Variants in YTHDF2 observed in about 807,000 individuals in gnomAD.
The protein encoded by YTHDF2 is YTH domain-containing family protein 2.
YTHDF2 carries 2 observed loss-of-function variants against 50.4 expected under a neutral mutation model. That is an observed-to-expected ratio of 0.04 (90% CI 0.02 to 0.12). The LOEUF (loss-of-function observed/expected upper bound fraction) is 0.12. Ranked by LOEUF, YTHDF2 falls within the 10% of genes least tolerant of loss-of-function variation. The pLI is 1.00. For missense variants in YTHDF2, 483 were observed against 722.6 expected, an observed-to-expected ratio of 0.67 and a Z score of 3.80; for synonymous variants, 217 against 255.6, an observed-to-expected ratio of 0.85 and a Z score of 1.44.
intron 3 of YTHDF2, among the ~76,000 whole-genome samples, chr1:28,738,644 A>G (rs989160085): frequency 1.3e-5 from 2 of 152,038 alleles, no homozygotes; most frequent in Non-Finnish European, 2.9e-5. Context: ...ACGGGGTTTC[A>G]TGTTGGCCGG....
chr1:28,761,389 T>C (rs1238482076), intron 4 of YTHDF2, among the ~76,000 whole-genome samples: 1 of 151,852 alleles, frequency 6.6e-6, no homozygotes, highest in Non-Finnish European at 1.5e-5. Flanking sequence ...CCTCCTCCTT[T>C]GGCCTCTCAA....
Position 28,737,069 on chromosome 1 carries a change from G to A in YTHDF2, c.-52G>A. 1 of 1,564,568 alleles carries A rather than the reference G, an allele frequency of 6.4e-7. No individual in the cohort carries two copies. Among genetic ancestry groups the A allele is most frequent in the Non-Finnish European group, 8.6e-7 (1 of 1,156,662 alleles). On this transcript the variant is annotated 5_prime_UTR_variant, in exon 1 of 5. Transcript: ENST00000373812. ...CAGACGGGGCTCATCTGCCGCCGCC[G>A]CCGCGCTGAGGAGAGTTCGCCGCCG...
At chr1:28,737,608 A>G (rs1462353246) in intron 1 of YTHDF2, 50 bp from the exon 2 acceptor site, 1 of 1,610,774 alleles carries the variant, frequency 6.2e-7, no homozygotes, top group Non-Finnish European at 8.5e-7. Flanking sequence ...TTCCTTTTCC[A>G]TTTCTCCTTT....
At chr1:28,759,119 T>G (rs546353300) in intron 4 of YTHDF2, among the ~76,000 whole-genome samples, 18 of 152,332 alleles carry the variant, frequency 1.2e-4, no homozygotes, top group Non-Finnish European at 2.6e-4. Flanking sequence ...TGAATGAGCA[T>G]CTTTGGAGGT....
In YTHDF2 at chr1:28,738,346, GT is replaced by G; in HGVS notation, c.132+10del. The stretch of plus-strand genomic sequence containing the variant: ...AGTCCACAGGCAAGGCCCGTGAGTA[GT>G]TAACTATTTACATATCTAATCGAAG... On this transcript the variant is annotated intron_variant, in intron 3 of 4. Transcript: ENST00000373812. The G allele has an allele frequency of 6.2e-7, 1 of 1,608,758 alleles. No homozygotes were observed. Among genetic ancestry groups the G allele is most frequent in the Non-Finnish European group, 8.5e-7 (1 of 1,175,170 alleles).
At chr1:28,755,629 A>C (rs2088025906) in intron 4 of YTHDF2, among the ~76,000 whole-genome samples, 1 of 152,228 alleles carries the variant, frequency 6.6e-6, no homozygotes, top group East Asian at 1.9e-4. Flanking sequence ...CAGAAATAAC[A>C]AAATTTGAAG....
At chr1:28,747,250 G>A (rs986122606) in intron 4 of YTHDF2, among the ~76,000 whole-genome samples, 3 of 151,910 alleles carry the variant, frequency 2.0e-5, no homozygotes, top group South Asian at 2.1e-4. Context: ...AGAATTTAGC[G>A]TCTTTGGTAA....
chr1:28,750,628 C>T (rs943378958), intron 4 of YTHDF2, among the ~76,000 whole-genome samples: 8 of 152,006 alleles, frequency 5.3e-5, no homozygotes, highest in African/African-American at 1.7e-4. Context: ...ATTTGTTACA[C>T]GTAAAATAAG....
At chr1:28,744,199 T>C (rs576717116) in intron 4 of YTHDF2, among the ~76,000 whole-genome samples, 3 of 152,088 alleles carry the variant, frequency 2.0e-5, no homozygotes, top group Non-Finnish European at 4.4e-5. Context: ...ATACGGACTT[T>C]GAAAGGAAAG....
At chr1:28,752,210 G>A (rs2087965693) in intron 4 of YTHDF2, among the ~76,000 whole-genome samples, 2 of 152,154 alleles carry the variant, frequency 1.3e-5, no homozygotes, top group Admixed American at 6.5e-5. Context: ...CCTTACTCTT[G>A]AGGTTATTTA....
intron 4 of YTHDF2, among the ~76,000 whole-genome samples, chr1:28,763,962 T>A (rs2088179012): frequency 6.7e-6 from 1 of 150,282 alleles, no homozygotes; most frequent in South Asian, 2.1e-4. Context: ...ATTTTATTTT[T>A]TTTTGAGACG....
intron 3 of YTHDF2, among the ~76,000 whole-genome samples, chr1:28,740,771 T>A (rs1010060772): frequency 2.0e-5 from 3 of 150,474 alleles, no homozygotes; most frequent in Non-Finnish European, 4.4e-5. Context: ...TGGTGCGATC[T>A]CGGCTCACTG....
chr1:28,762,209 G>A (rs532312106), intron 4 of YTHDF2, among the ~76,000 whole-genome samples: 2 of 152,194 alleles, frequency 1.3e-5, no homozygotes, highest in East Asian at 1.9e-4. Flanking sequence ...TGGCTAACAC[G>A]GTGAAACCCC....
chr1:28,742,283 C>T, intron 3 of YTHDF2, 120 bp from the exon 4 acceptor site: 1 of 1,318,310 alleles, frequency 7.6e-7, no homozygotes, highest in Non-Finnish European at 1.0e-6. Flanking sequence ...GTGTGAGCCA[C>T]CGCGTCCGGC....
At chr1:28,753,580 A>AC (rs911058648) in intron 4 of YTHDF2, among the ~76,000 whole-genome samples, 11 of 151,986 alleles carry the variant, frequency 7.2e-5, no homozygotes, top group African/African-American at 2.7e-4. Flanking sequence ...CATGTTAAAA[A>AC]CATAGTCTTG....
At position 28,737,701 on chromosome 1, in the gene YTHDF2, G is replaced by T; in HGVS notation, c.52+19G>T. On this transcript the variant is annotated intron_variant, in intron 2 of 4. Transcript: ENST00000373812. Reference sequence around the variant, plus strand: ...AACAAAGGTAAGTCCCGCTCCGCCGGTGGCCCTGAGCCGGGAGGGGGACGC... The same window carrying T: ...AACAAAGGTAAGTCCCGCTCCGCCGTTGGCCCTGAGCCGGGAGGGGGACGC... The T allele has an allele frequency of 6.2e-7, 1 of 1,613,408 alleles. No homozygotes were observed. Among genetic ancestry groups the T allele is most frequent in the Non-Finnish European group, 8.5e-7 (1 of 1,179,782 alleles).
At position 28,764,366 on chromosome 1, in the gene YTHDF2, G is replaced by C. The variant is rs115455502; in HGVS notation, c.1717-4563G>C. Reference sequence around the variant, plus strand: ...AGCTCACTGCATCCCCTGCCTCCTGGATTTAAGCAGTTCTCTGCCTCAGCC... The same window carrying C: ...AGCTCACTGCATCCCCTGCCTCCTGCATTTAAGCAGTTCTCTGCCTCAGCC... On this transcript the variant is annotated intron_variant, in intron 4 of 4. Coordinates refer to ENST00000373812, the MANE Select transcript of YTHDF2 (RefSeq NM_016258.3). Among the ~76,000 whole-genome samples, 1,400 of 152,024 alleles carry C rather than the reference G, an allele frequency of 9.2e-3. 15 individuals are homozygous for C. Among genetic ancestry groups the C allele is most frequent in the African/African-American group, 0.032 (1,317 of 41,462 alleles).
rs113420444 is a variant in YTHDF2, at chr1:28,768,221, A to T, written c.1717-708A>T. On this transcript the variant is annotated intron_variant, in intron 4 of 4. Coordinates refer to ENST00000373812, the MANE Select transcript of YTHDF2 (RefSeq NM_016258.3). ...TCAAAAAGAAAAAAAAATTTTTTTT[A>T]AAATTCTGTGCATGAAGTAATGTGT... Among the ~76,000 whole-genome samples the T allele has an allele frequency of 6.8e-3, 1,030 of 152,238 alleles. 7 individuals are homozygous for T. Among genetic ancestry groups the T allele is most frequent in the African/African-American group, 9.4e-3 (391 of 41,554 alleles).
intron 4 of YTHDF2, among the ~76,000 whole-genome samples, chr1:28,768,252 G>A (rs1002644270): frequency 6.6e-6 from 1 of 152,152 alleles, no homozygotes; most frequent in East Asian, 1.9e-4. Context: ...TGTGTGAAAT[G>A]GAAGAATTTA....
Sources: allele counts gnomAD v4.1 joint callset (sites outside exome capture counted in the v4.1 genomes callset), GRCh38; gene constraint gnomAD v4.1.1; transcripts MANE v1.5; gene names NCBI Gene and HGNC (gene_info 2026-07-23, HGNC 2026-07-21).